ITGAM: variants seen among roughly 807,000 people sequenced by gnomAD.
ITGAM encodes integrin subunit alpha M, also known as integrin alpha-M.
Under a neutral mutation model 137.5 loss-of-function variants are expected in ITGAM, and 79 were observed. The observed-to-expected ratio is 0.57, with a 90% CI of 0.48 to 0.69. The LOEUF (loss-of-function observed/expected upper bound fraction) is 0.69. ITGAM is among the 30% of genes least tolerant of loss of function. ITGAM has a pLI of 0.00. For synonymous variants in ITGAM, 583 were observed against 592.3 expected (o/e 0.98, Z 0.23); for missense variants, 1,343 against 1,483.5 (o/e 0.91, Z 1.56).
intron 5 of ITGAM, among the ~76,000 whole-genome samples, chr16:31,269,081 C>T (rs539245276): frequency 2.8e-4 from 43 of 152,092 alleles, no homozygotes; most frequent in East Asian, 1.5e-3. Context: ...TGGTAGGTCG[C>T]GGGGGAAGCC....
At chr16:31,279,744 T>TA (rs773112778) in intron 12 of ITGAM, among the ~76,000 whole-genome samples, 3 of 152,208 alleles carry the variant, frequency 2.0e-5, no homozygotes, top group Non-Finnish European at 4.4e-5. Context: ...TTAGTTTAAT[T>TA]AGATCCCATT....
At chr16:31,311,521 GAC>G (rs1165287674) in intron 14 of ITGAM, among the ~76,000 whole-genome samples, 2 of 152,008 alleles carry the variant, frequency 1.3e-5, no homozygotes, top group African/African-American at 4.8e-5. Context: ...GCAGCCAAAA[GAC>G]ACATGAAAAA....
intron 14 of ITGAM, among the ~76,000 whole-genome samples, chr16:31,299,758 C>T (rs1292288507): frequency 7.6e-6 from 1 of 131,842 alleles, no homozygotes; most frequent in Admixed American, 7.0e-5. Flanking sequence ...TTCTCCTCCT[C>T]CTCCTCTTCC....
intron 5 of ITGAM, among the ~76,000 whole-genome samples, chr16:31,270,713 ATATATATATATATATATATATATATATAT>A (rs1231919284): frequency 4.1e-5 from 4 of 97,246 alleles, no homozygotes; most frequent in African/African-American, 1.8e-4. Flanking sequence ...ATATATATAT[ATATATATATATATATATATATATATATAT>A]ATGTTTTTAA....
At chr16:31,328,862 CTATGTGCATGTATGTGT>C in intron 23 of ITGAM, 12 of 373,418 alleles carry the variant, frequency 3.2e-5, no homozygotes, top group Non-Finnish European at 5.9e-5. Context: ...GTGTGAGGGT[CTATGTGCATGTATGTGT>C]GCATGAGTGT....
chr16:31,325,459 C>A (rs906922753), intron 20 of ITGAM, 41 bp from the exon 21 acceptor site: 1 of 1,613,256 alleles, frequency 6.2e-7, no homozygotes, highest in South Asian at 1.1e-5. Flanking sequence ...TCCTCACGGC[C>A]GGAGGTGGAT....
chr16:31,322,802 C>T (rs191073117), intron 16 of ITGAM, among the ~76,000 whole-genome samples: 7 of 152,104 alleles, frequency 4.6e-5, no homozygotes, highest in Non-Finnish European at 8.8e-5. Flanking sequence ...CAAATGGAAA[C>T]TCTAGAACCA....
At chr16:31,285,143 G>A (rs2080015046) in intron 12 of ITGAM, among the ~76,000 whole-genome samples, 1 of 152,102 alleles carries the variant, frequency 6.6e-6, no homozygotes, top group Admixed American at 6.6e-5. Context: ...AGGGCTGCAT[G>A]CACCAGTAAA....
At chr16:31,317,926 T>C (rs2080408777) in intron 14 of ITGAM, among the ~76,000 whole-genome samples, 2 of 152,200 alleles carry the variant, frequency 1.3e-5, no homozygotes, top group Non-Finnish European at 2.9e-5. Flanking sequence ...GCTTGCCTCA[T>C]ACAATAAGTT....
At chr16:31,262,373 T>TTCCA (rs2079713827) in intron 2 of ITGAM, among the ~76,000 whole-genome samples, 1 of 140,164 alleles carries the variant, frequency 7.1e-6, no homozygotes, top group African/African-American at 2.6e-5. Context: ...CCTTCCTTCC[T>TTCCA]TCCTTCCTTC....
intron 7 of ITGAM, 44 bp from the exon 8 acceptor site, chr16:31,273,321 T>C: frequency 3.2e-6 from 5 of 1,548,056 alleles, no homozygotes; most frequent in Non-Finnish European, 4.4e-6. Flanking sequence ...AACTAGTGTG[T>C]CATCTACTTG....
In ITGAM at chr16:31,328,440, A is replaced by C. The variant is rs143198023; in HGVS notation, c.2792+210A>C. Among the ~76,000 whole-genome samples, 722 of 149,638 alleles carry C rather than the reference A, an allele frequency of 4.8e-3. 5 individuals carry two copies. Among genetic ancestry groups the C allele is most frequent in the African/African-American group, 0.017 (686 of 40,486 alleles). ...TGTGTGCATGGACGTGTATTTGTGC[A>C]TGTGTGTGTCTGAGGATGTATCTGC... On this transcript the variant is annotated intron_variant, in intron 23 of 29. Coordinates refer to ENST00000544665, the MANE Select transcript of ITGAM (RefSeq NM_000632.4).
In ITGAM at chr16:31,330,528, G is replaced by A. The variant is rs374690908; in HGVS notation, c.3199G>A (p.Val1067Met). Residue 1067 changes from valine to methionine, a missense_variant, in exon 28 of 30, where the codon GTG (valine) becomes ATG (methionine). Val to Met is a conservative substitution (Grantham distance 21, BLOSUM62 1). Transcript: ENST00000544665. ...GACCTCGCATAACCACCTCCTGATC[G>A]TGAGCACAGCTGAGATCTTGTTTAA... ...IKTSHNHLLI[V>M]STAEILFNDS... The A allele has an allele frequency of 2.2e-5, 35 of 1,613,620 alleles. No individual in the cohort carries two copies. The highest frequency in any genetic ancestry group is 5.0e-5 in the Admixed American group (3 of 59,966).
At chr16:31,307,737 G>A (rs982704148) in intron 14 of ITGAM, among the ~76,000 whole-genome samples, 23 of 151,904 alleles carry the variant, frequency 1.5e-4, no homozygotes, top group Admixed American at 9.2e-4. Context: ...GTTTTCAAAG[G>A]GAATGCTTCC....
Position 31,322,290 on chromosome 16 carries a change from T to A in ITGAM, c.2002+663T>A, listed in dbSNP as rs369218318. On this transcript the variant is annotated intron_variant, in intron 16 of 29. Transcript: ENST00000544665. Reference sequence around the variant, plus strand: ...TGGGCAACATAGCAAGACCCATCCCTAAAAAATGATTACCTTTCTAGGAAC... The same window carrying A: ...TGGGCAACATAGCAAGACCCATCCCAAAAAAATGATTACCTTTCTAGGAAC... Among the ~76,000 whole-genome samples, 30 of 152,188 alleles carry A rather than the reference T, an allele frequency of 2.0e-4. No homozygotes were observed. The East Asian group carries it at 4.1e-3, about 21-fold the overall frequency.
At chr16:31,261,108 T>C (rs1037455260) in intron 1 of ITGAM, among the ~76,000 whole-genome samples, 2 of 151,912 alleles carry the variant, frequency 1.3e-5, no homozygotes, top group Non-Finnish European at 2.9e-5. Flanking sequence ...CTAACAGAGC[T>C]GGACCTGGGA....
In ITGAM at chr16:31,297,565, G is replaced by T. The variant is rs757921643; in HGVS notation, c.1408G>T (p.Gly470Cys). ...SLCSVDVDSNGSTDLVLIGAP... is the reference protein window; with the variant it reads ...SLCSVDVDSNCSTDLVLIGAP... Reference sequence around the variant, plus strand: ...CTGCTCCGTGGACGTGGACAGCAACGGCAGCACCGACCTGGTCCTCATCGG... The same window carrying T: ...CTGCTCCGTGGACGTGGACAGCAACTGCAGCACCGACCTGGTCCTCATCGG... Residue 470 changes from glycine to cysteine, a missense_variant, in exon 13 of 30, where the codon GGC becomes TGC. Gly to Cys is a radical substitution (Grantham distance 159, BLOSUM62 -3). Transcript: ENST00000544665. The T allele has an allele frequency of 6.2e-7, 1 of 1,612,192 alleles. No individual in the cohort carries two copies. The highest frequency in any genetic ancestry group is 2.2e-4 in the Middle Eastern group (1 of 4,608).
At chr16:31,270,699 G>GTGTATGTA (rs1477833816) in intron 5 of ITGAM, among the ~76,000 whole-genome samples, 1 of 25,998 alleles carries the variant, frequency 3.8e-5, no homozygotes, top group Non-Finnish European at 7.8e-5. Context: ...GTGTGTGTGT[G>GTGTATGTA]TATATATATA....
chr16:31,311,087 A>G (rs2144436914), intron 14 of ITGAM, among the ~76,000 whole-genome samples: 1 of 152,326 alleles, frequency 6.6e-6, no homozygotes, highest in East Asian at 1.9e-4. Flanking sequence ...CCATATGTAG[A>G]AAGCTGAAAC....
Sources: gnomAD v4.1 joint callset for allele counts (sites outside exome capture counted in the v4.1 genomes callset) on GRCh38, gnomAD v4.1.1 for gene constraint, MANE v1.5 for transcripts, NCBI Gene and HGNC (gene_info 2026-07-23, HGNC 2026-07-21) for gene names.